The following PTGER3 variants were observed in gnomAD, a reference collection of about 807,000 sequenced individuals.
PTGER3 encodes prostaglandin E receptor 3.
PTGER3 carries 22 observed loss-of-function variants against 34.7 expected under a neutral mutation model. The observed-to-expected ratio is 0.63, with a 90% CI of 0.45 to 0.91. The LOEUF (loss-of-function observed/expected upper bound fraction) is 0.91. PTGER3 is among the 40% of genes least tolerant of loss of function. The pLI is 0.00. For missense variants in PTGER3, 468 were observed against 519.4 expected (o/e 0.90, Z 0.96); for synonymous variants, 241 against 230.1 (o/e 1.05, Z -0.43).
At chr1:70,960,028 T>C (rs573287241) in intron 2 of PTGER3, among the ~76,000 whole-genome samples, 1 of 152,148 alleles carries the variant, frequency 6.6e-6, no homozygotes, top group Non-Finnish European at 1.5e-5. Flanking sequence ...GGGAGAACAC[T>C]ATGTGAACCT....
intron 4 of PTGER3, among the ~76,000 whole-genome samples, chr1:70,907,560 A>G (rs1646974486): frequency 6.6e-6 from 1 of 152,232 alleles, no homozygotes; most frequent in Non-Finnish European, 1.5e-5. Flanking sequence ...GTTGCTCATC[A>G]TGAGCTCTTT....
intron 2 of PTGER3, among the ~76,000 whole-genome samples, chr1:70,957,134 C>T (rs1348709605): frequency 6.6e-6 from 1 of 152,204 alleles, no homozygotes; most frequent in Non-Finnish European, 1.5e-5. Context: ...CTATTAACCT[C>T]TGTTTTCGGT....
intron 2 of PTGER3, among the ~76,000 whole-genome samples, chr1:70,996,012 C>G (rs974789294): frequency 6.6e-6 from 1 of 152,148 alleles, no homozygotes; most frequent in Non-Finnish European, 1.5e-5. Context: ...CTCAGTCACA[C>G]AGCTGGTAAG....
intron 4 of PTGER3, among the ~76,000 whole-genome samples, chr1:70,917,011 A>G (rs941917127): frequency 6.6e-6 from 1 of 152,064 alleles, no homozygotes; most frequent in Non-Finnish European, 1.5e-5. Context: ...CACTATAAAC[A>G]TTTATCATTT....
At chr1:70,894,750 G>C (rs933089575) in intron 4 of PTGER3, among the ~76,000 whole-genome samples, 1 of 152,162 alleles carries the variant, frequency 6.6e-6, no homozygotes, top group Admixed American at 6.5e-5. Context: ...TCCAGTAGAG[G>C]TATGTGAATC....
At chr1:70,900,081 A>G (rs1222740410) in intron 4 of PTGER3, among the ~76,000 whole-genome samples, 4 of 151,722 alleles carry the variant, frequency 2.6e-5, no homozygotes, top group African/African-American at 4.8e-5. Flanking sequence ...AAAGCTACCA[A>G]TTTTCTTCCT....
At chr1:70,864,571 G>C (rs892695234) in intron 4 of PTGER3, among the ~76,000 whole-genome samples, 1 of 152,200 alleles carries the variant, frequency 6.6e-6, no homozygotes, top group Non-Finnish European at 1.5e-5. Flanking sequence ...ACAAACATTT[G>C]TTCCACATAC....
chr1:70,865,667 G>C, intron 4 of PTGER3: 1 of 1,364,924 alleles, frequency 7.3e-7, no homozygotes, highest in South Asian at 1.1e-5. Context: ...CCTGTACTTG[G>C]CAATGTGGAG....
At chr1:70,979,854 C>T (rs1477891861) in intron 2 of PTGER3, among the ~76,000 whole-genome samples, 2 of 152,122 alleles carry the variant, frequency 1.3e-5, no homozygotes, top group Non-Finnish European at 2.9e-5. Flanking sequence ...AGTTACTAGG[C>T]TTTGTAACTT....
At chr1:70,994,802 CT>C (rs375359846) in intron 2 of PTGER3, among the ~76,000 whole-genome samples, 2 of 151,956 alleles carry the variant, frequency 1.3e-5, no homozygotes, top group Non-Finnish European at 1.5e-5. Context: ...ACATCATTGC[CT>C]TTTTTTTATT....
intron 4 of PTGER3, among the ~76,000 whole-genome samples, chr1:70,857,817 C>A (rs962140810): frequency 2.6e-5 from 4 of 152,106 alleles, no homozygotes; most frequent in Non-Finnish European, 5.9e-5. Flanking sequence ...TTCTTAACTG[C>A]AATTTTAATA....
chr1:70,892,225 G>A (rs1646632972), intron 4 of PTGER3, among the ~76,000 whole-genome samples: 4 of 152,144 alleles, frequency 2.6e-5, no homozygotes, highest in African/African-American at 9.7e-5. Flanking sequence ...TTGCTTTGGG[G>A]CATATTCATT....
chr1:70,952,901 T>G (rs757704767), exon 4 of PTGER3: 1 of 1,601,050 alleles, frequency 6.2e-7, no homozygotes, highest in Admixed American at 1.7e-5. Flanking sequence ...AGTTATTTTC[T>G]TCATGTTATT....
chr1:70,941,043 A>ATTGG (rs1379234911), intron 4 of PTGER3, among the ~76,000 whole-genome samples: 1 of 152,206 alleles, frequency 6.6e-6, no homozygotes, highest in African/African-American at 2.4e-5. Flanking sequence ...GAAGAATAAA[A>ATTGG]TTGGTTGCTT....
At chr1:70,952,874 A>G (rs982327355) in exon 4 of PTGER3, 8 of 1,552,968 alleles carry the variant, frequency 5.2e-6, no homozygotes, top group Non-Finnish European at 5.2e-6. Flanking sequence ...TGCTTTTTTA[A>G]AACACAGCAC....
At chr1:71,022,075 T>C (rs570037407) in intron 1 of PTGER3, among the ~76,000 whole-genome samples, 3 of 152,052 alleles carry the variant, frequency 2.0e-5, no homozygotes, top group African/African-American at 4.8e-5. Context: ...GTGAGAATTA[T>C]GGCAATATCT....
intron 2 of PTGER3, among the ~76,000 whole-genome samples, chr1:70,975,569 T>G (rs1286299013): frequency 6.6e-6 from 1 of 152,122 alleles, no homozygotes; most frequent in East Asian, 1.9e-4. Context: ...TTAAGTGGCA[T>G]GGCATTATAC....
At chr1:70,898,706 G>C (rs1037723836) in intron 4 of PTGER3, among the ~76,000 whole-genome samples, 6 of 151,984 alleles carry the variant, frequency 3.9e-5, no homozygotes, top group Admixed American at 3.9e-4. Context: ...GTGAAATGAG[G>C]GTAATAATAG....
intron 1 of PTGER3, among the ~76,000 whole-genome samples, chr1:71,023,915 A>C (rs749065192): frequency 7.3e-5 from 11 of 151,668 alleles, no homozygotes; most frequent in Non-Finnish European, 1.6e-4. Context: ...AACTATCACA[A>C]TCATCAATGA....
Sources: allele counts gnomAD v4.1 joint callset (sites outside exome capture counted in the v4.1 genomes callset), GRCh38; gene constraint gnomAD v4.1.1; transcripts MANE v1.5; gene names NCBI Gene and HGNC (gene_info 2026-07-23, HGNC 2026-07-21).